FOXP1: variants seen among roughly 807,000 people sequenced by gnomAD.
The protein encoded by FOXP1 is forkhead box protein P1.
Under a neutral mutation model 98.2 loss-of-function variants are expected in FOXP1, and 15 were observed. That is an observed-to-expected ratio of 0.15 (90% CI 0.10 to 0.24). The LOEUF (loss-of-function observed/expected upper bound fraction) is 0.24. FOXP1 is among the 10% of genes least tolerant of loss of function. The pLI, the probability that FOXP1 is intolerant of heterozygous loss-of-function variation, is 1.00. For missense variants in FOXP1, 633 were observed against 848.5 expected (o/e 0.75, Z 3.15); for synonymous variants, 371 against 314.5 (o/e 1.18, Z -1.90).
intron 5 of FOXP1, among the ~76,000 whole-genome samples, chr3:71,280,079 C>A (rs1415195378): frequency 7.0e-6 from 1 of 143,814 alleles, no homozygotes; most frequent in Non-Finnish European, 1.5e-5. Flanking sequence ...GCTGAGACTG[C>A]ACCACTGCAC....
At chr3:71,483,132 C>T (rs1001924313) in intron 3 of FOXP1, among the ~76,000 whole-genome samples, 2 of 152,130 alleles carry the variant, frequency 1.3e-5, no homozygotes, top group African/African-American at 2.4e-5. Flanking sequence ...AGCCACCACG[C>T]CCAGCCTTAC....
intron 4 of FOXP1, chr3:71,333,790 C>A (rs1290483289): frequency 6.6e-6 from 1 of 151,886 alleles, no homozygotes; most frequent in East Asian, 1.9e-4. Flanking sequence ...CACCACTGCA[C>A]TTCAGCCTGA....
At chr3:71,048,913 C>T (rs2049425902) in intron 9 of FOXP1, among the ~76,000 whole-genome samples, 1 of 152,008 alleles carries the variant, frequency 6.6e-6, no homozygotes, top group South Asian at 2.1e-4. Context: ...TCTGTTGTCT[C>T]TGTGGCCATC....
chr3:71,223,438 G>GT (rs2065564453), intron 5 of FOXP1, among the ~76,000 whole-genome samples: 1 of 152,110 alleles, frequency 6.6e-6, no homozygotes, highest in Non-Finnish European at 1.5e-5. Context: ...GCTCATGCCT[G>GT]TAATCCCAGC....
intron 4 of FOXP1, among the ~76,000 whole-genome samples, chr3:71,356,988 T>C (rs1342186008): frequency 6.6e-6 from 1 of 152,140 alleles, no homozygotes. Context: ...GGCTTACTTG[T>C]CCCGTGCACC....
At chr3:71,197,506 G>A (rs777373505) in intron 6 of FOXP1, among the ~76,000 whole-genome samples, 1 of 152,150 alleles carries the variant, frequency 6.6e-6, no homozygotes, top group Non-Finnish European at 1.5e-5. Context: ...GTCCATACCT[G>A]TAAAAAGTAT....
intron 3 of FOXP1, among the ~76,000 whole-genome samples, chr3:71,373,781 A>AG (rs2079515927): frequency 6.6e-6 from 1 of 152,228 alleles, no homozygotes. Context: ...CACGCATCTT[A>AG]GGTGGAAAGA....
At chr3:71,452,505 G>C (rs1213076757) in intron 3 of FOXP1, among the ~76,000 whole-genome samples, 1 of 152,168 alleles carries the variant, frequency 6.6e-6, no homozygotes, top group African/African-American at 2.4e-5. Context: ...TGAGTTTCTA[G>C]ACATAATTTT....
At chr3:71,174,915 GTTT>G (rs547976769) in intron 6 of FOXP1, among the ~76,000 whole-genome samples, 1 of 136,994 alleles carries the variant, frequency 7.3e-6, no homozygotes. Context: ...GTACATAAAT[GTTT>G]TTTTTTTTTT....
In FOXP1 at chr3:70,955,826, A is replaced by ATG. The variant is rs1553648138; in HGVS notation, c.*3420_*3421insCA. ...TCAAAAAACAGATTAACACACACGC[A>ATG]CGCGCGCACACACACACACACACAC... On this transcript the variant is annotated 3_prime_UTR_variant, in exon 21 of 21. Coordinates refer to ENST00000649528, the MANE Select transcript of FOXP1 (RefSeq NM_001349338.3). 8.9e-6 allele frequency: 2 copies of ATG among 223,810 alleles called. No individual in the cohort carries two copies. Among genetic ancestry groups the ATG allele is most frequent in the African/African-American group, 5.3e-5 (2 of 37,482 alleles). The allele number at this position is 223,810 out of a possible 1,614,324, so 13.9% of individuals were successfully genotyped here.
intron 2 of FOXP1, among the ~76,000 whole-genome samples, chr3:71,528,274 T>C (rs2043556206): frequency 6.6e-6 from 1 of 152,212 alleles, no homozygotes; most frequent in Non-Finnish European, 1.5e-5. Flanking sequence ...TTTCAAACTC[T>C]CAGCTCGGGG....
At chr3:71,266,255 ATTT>A (rs36076546) in intron 5 of FOXP1, among the ~76,000 whole-genome samples, 1 of 151,442 alleles carries the variant, frequency 6.6e-6, no homozygotes, top group African/African-American at 2.4e-5. Context: ...AAATTTGTTT[ATTT>A]TTTTTGAGAC....
intron 2 of FOXP1, among the ~76,000 whole-genome samples, chr3:71,530,174 T>G (rs2043723060): frequency 6.6e-6 from 1 of 152,144 alleles, no homozygotes; most frequent in Non-Finnish European, 1.5e-5. Context: ...TAATCCCCAG[T>G]GCAACAGTGT....
At chr3:71,433,914 A>G (rs2084966572) in intron 3 of FOXP1, among the ~76,000 whole-genome samples, 1 of 152,222 alleles carries the variant, frequency 6.6e-6, no homozygotes, top group South Asian at 2.1e-4. Context: ...ATCCATGCCA[A>G]ATGGAAACCC....
chr3:71,004,884 C>T (rs2042573308), intron 12 of FOXP1, among the ~76,000 whole-genome samples: 1 of 151,908 alleles, frequency 6.6e-6, no homozygotes, highest in African/African-American at 2.4e-5. Context: ...TATAATGACA[C>T]TGAGAGTCAC....
intron 4 of FOXP1, chr3:71,329,637 C>T: frequency 6.6e-6 from 1 of 150,530 alleles, no homozygotes; most frequent in Non-Finnish European, 1.5e-5. Context: ...GAGAAAACAG[C>T]CAGCAATAAA....
At chr3:71,388,751 T>C (rs567882720) in intron 3 of FOXP1, among the ~76,000 whole-genome samples, 14 of 152,268 alleles carry the variant, frequency 9.2e-5, no homozygotes, top group Admixed American at 3.9e-4. Flanking sequence ...GCATACATAA[T>C]AAATCTAATC....
chr3:71,367,187 C>T (rs1258602959), intron 3 of FOXP1, among the ~76,000 whole-genome samples: 1 of 152,168 alleles, frequency 6.6e-6, no homozygotes, highest in Non-Finnish European at 1.5e-5. Context: ...AGGGAGGAGA[C>T]CTCTCCTGTC....
At chr3:71,376,465 T>G (rs1326383683) in intron 3 of FOXP1, among the ~76,000 whole-genome samples, 2 of 152,202 alleles carry the variant, frequency 1.3e-5, no homozygotes, top group African/African-American at 4.8e-5. Flanking sequence ...GGCTAGTACA[T>G]TCAAAAGCAA....
Sources: gnomAD v4.1 joint callset for allele counts (sites outside exome capture counted in the v4.1 genomes callset) on GRCh38, gnomAD v4.1.1 for gene constraint, MANE v1.5 for transcripts, NCBI Gene and HGNC (gene_info 2026-07-23, HGNC 2026-07-21) for gene names.